The following LMTK2 variants were observed in gnomAD, a reference collection of about 807,000 sequenced individuals.
The protein encoded by LMTK2 is serine/threonine-protein kinase LMTK2.
Under a neutral mutation model 127.5 loss-of-function variants are expected in LMTK2, and 37 were observed. The ratio of observed to expected loss-of-function variants is 0.29; its 90% CI spans 0.22 to 0.38. The LOEUF is 0.38. Ranked by LOEUF, LMTK2 falls within the 10% of genes least tolerant of loss-of-function variation. LMTK2 has a pLI of 1.00. For synonymous variants in LMTK2, 819 were observed against 810.1 expected, an observed-to-expected ratio of 1.01 and a Z score of -0.19; for missense variants, 1,694 against 1,920.3, an observed-to-expected ratio of 0.88 and a Z score of 2.20.
chr7:98,138,480 G>A (rs1796628071), intron 2 of LMTK2, among the ~76,000 whole-genome samples: 1 of 152,184 alleles, frequency 6.6e-6, no homozygotes, highest in Admixed American at 6.5e-5. Flanking sequence ...CAGGAGGGTG[G>A]TTGGAAAACA....
intron 10 of LMTK2, 133 bp from the exon 11 acceptor site, chr7:98,191,481 G>T: frequency 1.5e-6 from 1 of 670,896 alleles, no homozygotes; most frequent in Non-Finnish European, 2.4e-6. Flanking sequence ...GAACCCAGGA[G>T]GCAGAGGTTG....
At chr7:98,138,000 G>A (rs549749103) in intron 2 of LMTK2, among the ~76,000 whole-genome samples, 1 of 152,338 alleles carries the variant, frequency 6.6e-6, no homozygotes, top group Non-Finnish European at 1.5e-5. Context: ...ACAGGGAGGA[G>A]GAGGCTGCAG....
chr7:98,117,531 C>T (rs1389033099), intron 1 of LMTK2, among the ~76,000 whole-genome samples: 1 of 151,860 alleles, frequency 6.6e-6, no homozygotes, highest in African/African-American at 2.4e-5. Flanking sequence ...GCTGACATAT[C>T]CTCATTTTTT....
At chr7:98,141,311 G>A (rs1796695601) in intron 2 of LMTK2, 86 bp from the exon 3 acceptor site, 2 of 1,270,992 alleles carry the variant, frequency 1.6e-6, no homozygotes, top group Non-Finnish European at 2.2e-6. Context: ...AATAATTGTG[G>A]CAGCAAGTTC....
In LMTK2 at chr7:98,186,859, T is replaced by C; in HGVS notation, c.877-18T>C. 1 of 1,606,498 alleles carries C rather than the reference T, an allele frequency of 6.2e-7. No individual in the cohort carries two copies. The highest frequency in any genetic ancestry group is 1.1e-5 in the South Asian group (1 of 90,210). ...GTATAATTCTATTCAAAATTCTGTG[T>C]GCTTTCTAACAAAACAGGAGGATTA... On this transcript the variant is annotated intron_variant, in intron 8 of 13. Transcript: ENST00000297293.
intron 8 of LMTK2, 26 bp downstream of exon 8, chr7:98,185,161 A>T: frequency 6.7e-7 from 1 of 1,496,748 alleles, no homozygotes; most frequent in Non-Finnish European, 9.3e-7. Context: ...AAATGTTTTC[A>T]GTCTGATTTA....
At position 98,113,521 on chromosome 7, in the gene LMTK2, A is replaced by G. The variant is rs1405712281; in HGVS notation, c.103+6241A>G. ...AGTGATCCTCCTGCCTCAGTCTCCA[A>G]AAGTGGTAGGATTATAGGTGTGAGC... On this transcript the variant is annotated intron_variant, in intron 1 of 13. Transcript: ENST00000297293. 3.3e-5 allele frequency among the ~76,000 whole-genome samples: 5 copies of G among 152,266 alleles called. No homozygotes were observed. In the East Asian group the frequency reaches 9.7e-4, roughly 29 times the overall value.
rs1370743402 is a variant in LMTK2 at position 98,207,031 on chromosome 7, T to G, written c.*1539T>G. On this transcript the variant is annotated 3_prime_UTR_variant, in exon 14 of 14. Transcript: ENST00000297293. The stretch of plus-strand genomic sequence containing the variant: ...GCTTCGTCACATCGTCACGAGCCCC[T>G]GTGGTCATGGGCGACCTCACACCTC... 6.6e-6 allele frequency: 1 copy of G among 152,160 alleles called. No homozygotes were observed. Among genetic ancestry groups the G allele is most frequent in the Non-Finnish European group, 1.5e-5 (1 of 68,092 alleles). The allele number at this position is 152,160 out of a possible 1,614,324, so 9.4% of individuals were successfully genotyped here.
In LMTK2 at chr7:98,171,553, G is replaced by A; in HGVS notation, c.670G>A (p.Ala224Thr). 1 of 1,614,070 alleles carries A rather than the reference G, an allele frequency of 6.2e-7. No individual in the cohort carries two copies. The highest frequency in any genetic ancestry group is 8.5e-7 in the Non-Finnish European group (1 of 1,180,040). ...FEFCDLGDLK[A>T]YLRSEQEHMR... Reference sequence around the variant, plus strand: ...CTGACTTTTGCAGGGTGACCTGAAGGCGTATCTGCGCAGCGAGCAGGAGCA... The same window carrying A: ...CTGACTTTTGCAGGGTGACCTGAAGACGTATCTGCGCAGCGAGCAGGAGCA... The change falls in exon 7 of 14, where the codon GCG (alanine) becomes ACG (threonine). Residue 224 changes from alanine (A) to threonine (T), a missense_variant. Coordinates refer to ENST00000297293, the MANE Select transcript of LMTK2 (RefSeq NM_014916.4). This position sits in a 1 kb window ranked among gnomAD's most constrained non-coding sequence, Gnocchi z 5.1.
At position 98,192,982 on chromosome 7, in the gene LMTK2, A is replaced by C. The variant is rs1797556796; in HGVS notation, c.2517A>C (p.Glu839Asp). The change falls in exon 11 of 14, where the codon GAA becomes GAC. Residue 839 changes from glutamate (E) to aspartate (D), a missense_variant. By Grantham distance (45) the Glu-to-Asp change is conservative (BLOSUM62 2). Coordinates refer to ENST00000297293, the MANE Select transcript of LMTK2 (RefSeq NM_014916.4). Reference sequence around the variant, plus strand: ...CAGACTCACTCCCAACACAGGGAGAAACCCAGCCCACGTGTTTAGATGTTA... The same window carrying C: ...CAGACTCACTCCCAACACAGGGAGACACCCAGCCCACGTGTTTAGATGTTA... ...VPPDSLPTQG[E>D]TQPTCLDVIV... 6.2e-7 allele frequency: 1 copy of C among 1,613,994 alleles called. No individual in the cohort carries two copies. The highest frequency in any genetic ancestry group is 8.5e-7 in the Non-Finnish European group (1 of 1,180,050).
rs1797597137 is a variant in LMTK2, at chr7:98,194,488, C to T, written c.4023C>T (p.Ala1341=). The change falls in exon 11 of 14, where the codon GCC becomes GCT. Residue 1341 remains alanine, a synonymous_variant. Transcript: ENST00000297293. This position sits in a 1 kb window ranked among gnomAD's most constrained non-coding sequence, Gnocchi z 5.4. ...TGTTGAAGCCCACAGCGGCCAATGC[C>T]CCCGACCCACTGCCCGAGGACTGGA... The part of the protein sequence containing the change: ...RSLLKPTAAN[A]PDPLPEDWKK... 4.3e-6 allele frequency: 7 copies of T among 1,613,802 alleles called. No individual in the cohort carries two copies. The highest frequency in any genetic ancestry group is 5.9e-6 in the Non-Finnish European group (7 of 1,180,024).
In LMTK2 at chr7:98,208,008, G is replaced by A. The variant is rs1052844181; in HGVS notation, c.*2516G>A. ...CACCTGTAGTCCCAGCTGCTTGGGAGGCTGAGGTGGGAGGATGGCTAGAGC... is the reference window on the plus strand; with the variant it reads ...CACCTGTAGTCCCAGCTGCTTGGGAAGCTGAGGTGGGAGGATGGCTAGAGC... On this transcript the variant is annotated 3_prime_UTR_variant, in exon 14 of 14. Coordinates refer to ENST00000297293, the MANE Select transcript of LMTK2 (RefSeq NM_014916.4). The A allele has an allele frequency of 3.9e-5, 6 of 152,178 alleles. No individual in the cohort carries two copies. Among genetic ancestry groups the A allele is most frequent in the African/African-American group, 1.4e-4 (6 of 41,474 alleles). The allele number at this position is 152,178 out of a possible 1,614,324, so 9.4% of individuals were successfully genotyped here.
At chr7:98,195,912 A>C (rs1283200770) in intron 11 of LMTK2, among the ~76,000 whole-genome samples, 3 of 152,234 alleles carry the variant, frequency 2.0e-5, no homozygotes, top group Non-Finnish European at 4.4e-5. Flanking sequence ...AAGTAAGGCC[A>C]GGCGCGGTGG....
In LMTK2 at chr7:98,194,489, C is replaced by T. The variant is rs267601655; in HGVS notation, c.4024C>T (p.Pro1342Ser). The T allele has an allele frequency of 2.5e-6, 4 of 1,613,820 alleles. No individual in the cohort carries two copies. The highest frequency in any genetic ancestry group is 3.4e-6 in the Non-Finnish European group (4 of 1,180,034). Reference protein sequence around the residue: ...SLLKPTAANAPDPLPEDWKKE... With the variant: ...SLLKPTAANASDPLPEDWKKE... ...GTTGAAGCCCACAGCGGCCAATGCCCCCGACCCACTGCCCGAGGACTGGAA... is the reference window on the plus strand; with the variant it reads ...GTTGAAGCCCACAGCGGCCAATGCCTCCGACCCACTGCCCGAGGACTGGAA... The change falls in exon 11 of 14, where the codon CCC becomes TCC. Residue 1342 changes from proline to serine, a missense_variant. This residue lies in a region of LMTK2 where 554 missense variants were observed against 567.7 expected (regional missense o/e 0.98). Transcript: ENST00000297293. The surrounding 1 kb of genome is among the most constrained non-coding windows in gnomAD (Gnocchi z 5.4).
At position 98,208,243 on chromosome 7, in the gene LMTK2, G is replaced by A. The variant is rs1584307447; in HGVS notation, c.*2751G>A. On this transcript the variant is annotated 3_prime_UTR_variant, in exon 14 of 14. Transcript: ENST00000297293. The stretch of plus-strand genomic sequence containing the variant: ...GATCTTAGTGTGGTGTTGCATGGAG[G>A]GGCGAGATTTTATATTTATAATCAA... The A allele has an allele frequency of 6.6e-6, 1 of 152,124 alleles. No individual in the cohort carries two copies. Among genetic ancestry groups the A allele is most frequent in the Non-Finnish European group, 1.5e-5 (1 of 68,028 alleles). The allele number at this position is 152,124 out of a possible 1,614,324, so 9.4% of individuals were successfully genotyped here.
At position 98,209,015 on chromosome 7, in the gene LMTK2, A is replaced by G. The variant is rs4318996; in HGVS notation, c.*3523A>G. The G allele has an allele frequency of 0.99, 150,755 of 152,340 alleles. 74,611 individuals carry two copies. Among genetic ancestry groups the G allele is most frequent in the Middle Eastern group, 1 (294 of 294 alleles). 9.4% of individuals were successfully genotyped at this position (152,340 alleles called of 1,614,324 possible). A position where few individuals can be genotyped will look rare whatever the true frequency, so the allele number is the denominator to read the frequency against. Reference sequence around the variant, plus strand: ...AGGAAGGCAGCGCCTGCTCTTCCTTAACTCAGCCCATCATCTGAAAATTCA... The same window carrying G: ...AGGAAGGCAGCGCCTGCTCTTCCTTGACTCAGCCCATCATCTGAAAATTCA... On this transcript the variant is annotated 3_prime_UTR_variant, in exon 14 of 14. Coordinates refer to ENST00000297293, the MANE Select transcript of LMTK2 (RefSeq NM_014916.4).
chr7:98,168,081 A>C (rs1168794320), intron 6 of LMTK2, among the ~76,000 whole-genome samples: 1 of 151,828 alleles, frequency 6.6e-6, no homozygotes, highest in Non-Finnish European at 1.5e-5. Context: ...AGTGCTTCTG[A>C]TGGTGGCAAG....
rs1400979430 is a variant in LMTK2 at position 98,206,842 on chromosome 7, C to G, written c.*1350C>G. 1 of 152,268 alleles carries G rather than the reference C, an allele frequency of 6.6e-6. No homozygotes were observed. Among genetic ancestry groups the G allele is most frequent in the South Asian group, 2.1e-4 (1 of 4,828 alleles). The allele number at this position is 152,268 out of a possible 1,614,324, so 9.4% of individuals were successfully genotyped here. A position where few individuals can be genotyped will look rare whatever the true frequency, so the allele number is the denominator to read the frequency against. ...TCCTGCAGCTGTGAAGGGGGATGGA[C>G]AAGGGACGACGGCCGACGGCAGAGC... On this transcript the variant is annotated 3_prime_UTR_variant, in exon 14 of 14. Transcript: ENST00000297293.
In LMTK2 at chr7:98,205,618, G is replaced by A. The variant is rs1462777018; in HGVS notation, c.*126G>A. 3.9e-6 allele frequency: 4 copies of A among 1,038,150 alleles called. No individual in the cohort carries two copies. The highest frequency in any genetic ancestry group is 5.8e-6 in the Non-Finnish European group (4 of 695,590). The allele number at this position is 1,038,150 out of a possible 1,614,324, so 64.3% of individuals were successfully genotyped here. A position where few individuals can be genotyped will look rare whatever the true frequency, so the allele number is the denominator to read the frequency against. On this transcript the variant is annotated 3_prime_UTR_variant, in exon 14 of 14. Transcript: ENST00000297293. ...ATGAGATTGGGAGGAAGAATCCAGA[G>A]GTGAAGAGGGAGACGGCTCTTAGCT...
Sources: allele counts gnomAD v4.1 joint callset (sites outside exome capture counted in the v4.1 genomes callset), GRCh38; gene constraint gnomAD v4.1.1; regional missense constraint gnomAD v4.1.1; non-coding constraint Gnocchi (gnomAD v3.1); transcripts MANE v1.5; gene names NCBI Gene and HGNC (gene_info 2026-07-23, HGNC 2026-07-21).